Variants in UBE2Q2 observed in about 807,000 individuals in gnomAD.
UBE2Q2 encodes ubiquitin conjugating enzyme E2 Q2, also known as ubiquitin-conjugating enzyme E2 Q2.
UBE2Q2 carries 54 observed loss-of-function variants against 59.9 expected under a neutral mutation model. The observed-to-expected ratio is 0.90, with a 90% CI of 0.72 to 1.13. The LOEUF is 1.13. Ranked by LOEUF, UBE2Q2 falls within the 50% of genes most tolerant of loss-of-function variation. The pLI, the probability that UBE2Q2 is intolerant of heterozygous loss-of-function variation, is 0.00. For missense variants in UBE2Q2, 433 were observed against 441.9 expected (o/e 0.98, Z 0.18); for synonymous variants, 165 against 155.2 (o/e 1.06, Z -0.47).
chr15:75,893,406 T>G (rs1414758236), intron 11 of UBE2Q2, among the ~76,000 whole-genome samples: 1 of 152,220 alleles, frequency 6.6e-6, no homozygotes, highest in Non-Finnish European at 1.5e-5. Flanking sequence ...TAGCAATTTT[T>G]GTATTTTATG....
chr15:75,883,456 T>A, intron 9 of UBE2Q2, 32 bp downstream of exon 9: 2 of 1,587,776 alleles, frequency 1.3e-6, no homozygotes, highest in Non-Finnish European at 1.7e-6. Context: ...AAAAGAAATT[T>A]TTTTCAGTTA....
chr15:75,860,903 T>C (rs554344108), intron 3 of UBE2Q2, among the ~76,000 whole-genome samples: 2 of 152,326 alleles, frequency 1.3e-5, no homozygotes, highest in Admixed American at 6.5e-5. Context: ...GGTAAAACCC[T>C]AAGAAAGCAT....
chr15:75,882,099 AG>A (rs1240670730), intron 8 of UBE2Q2, among the ~76,000 whole-genome samples: 2 of 152,188 alleles, frequency 1.3e-5, no homozygotes, highest in Non-Finnish European at 2.9e-5. Context: ...GAAACTAGTA[AG>A]TCAAATTACA....
intron 3 of UBE2Q2, among the ~76,000 whole-genome samples, chr15:75,861,775 A>G (rs1897217891): frequency 6.6e-6 from 1 of 152,238 alleles, no homozygotes. Flanking sequence ...ATAAAACAAC[A>G]AATTTGCCTA....
chr15:75,871,319 G>A lies in UBE2Q2; in HGVS notation c.448-2109G>A, dbSNP rs1897776434. Among the ~76,000 whole-genome samples, 4 of 152,160 alleles carry A rather than the reference G, an allele frequency of 2.6e-5. No homozygotes were observed. In the South Asian group the frequency reaches 8.3e-4, roughly 32 times the overall value. On this transcript the variant is annotated intron_variant, in intron 4 of 12. Coordinates refer to ENST00000267938, the MANE Select transcript of UBE2Q2 (RefSeq NM_173469.4). ...GAGACATTCCATTGCCCAGGGACGG[G>A]CAGGAGGCAGATGCCTTCCTCTTGT...
At chr15:75,854,279 C>T (rs2141554350) in intron 1 of UBE2Q2, 107 bp from the exon 2 acceptor site, 3 of 737,896 alleles carry the variant, frequency 4.1e-6, no homozygotes, top group African/African-American at 1.8e-5. Context: ...TCCCCCCATA[C>T]ATTTTGTTTA....
At chr15:75,892,459 T>A (rs1044168690) in intron 11 of UBE2Q2, among the ~76,000 whole-genome samples, 2 of 151,942 alleles carry the variant, frequency 1.3e-5, no homozygotes, top group African/African-American at 4.8e-5. Context: ...ATGTGAAATC[T>A]AATATAAAGA....
At chr15:75,886,329 A>G (rs552570792) in intron 9 of UBE2Q2, among the ~76,000 whole-genome samples, 70 of 152,148 alleles carry the variant, frequency 4.6e-4, no homozygotes, top group Non-Finnish European at 8.5e-4. Flanking sequence ...CATGTTGGCC[A>G]GGCTGGTCTC....
intron 2 of UBE2Q2, among the ~76,000 whole-genome samples, chr15:75,856,267 G>GTGTA (rs1414423709): frequency 5.9e-5 from 6 of 102,414 alleles, no homozygotes; most frequent in South Asian, 2.6e-4. Flanking sequence ...GTGTGTGTGT[G>GTGTA]TGTATATATA....
chr15:75,867,690 G>C (rs1319791228), intron 3 of UBE2Q2, among the ~76,000 whole-genome samples: 1 of 152,130 alleles, frequency 6.6e-6, no homozygotes, highest in Non-Finnish European at 1.5e-5. Flanking sequence ...ATAGTAACTG[G>C]GCTGATGGTG....
intron 2 of UBE2Q2, among the ~76,000 whole-genome samples, chr15:75,856,929 A>G (rs1228508160): frequency 6.6e-6 from 1 of 151,616 alleles, no homozygotes; most frequent in East Asian, 1.9e-4. Context: ...CGACAGAGCA[A>G]GACTCTGTCT....
intron 6 of UBE2Q2, 26 bp downstream of exon 6, chr15:75,876,297 CT>C (rs759815590): frequency 8.3e-6 from 13 of 1,563,340 alleles, no homozygotes; most frequent in African/African-American, 1.4e-5. Context: ...TCCCTGCTCT[CT>C]TTATGATTCT....
chr15:75,896,403 G>A (rs1471699858), intron 11 of UBE2Q2, among the ~76,000 whole-genome samples: 2 of 152,134 alleles, frequency 1.3e-5, no homozygotes, highest in South Asian at 2.1e-4. Flanking sequence ...ATATTAATTC[G>A]AAGCGAAGAT....
At chr15:75,875,491 C>G (rs963513045) in intron 5 of UBE2Q2, among the ~76,000 whole-genome samples, 1 of 152,112 alleles carries the variant, frequency 6.6e-6, no homozygotes, top group Non-Finnish European at 1.5e-5. Flanking sequence ...CGAACTAGAC[C>G]ATCTGTGTAA....
chr15:75,893,709 CCATA>C lies in UBE2Q2; in HGVS notation c.1029+2701_1029+2704del, dbSNP rs1403842329. ...TCAGACGATTTAAAAACAGTTGGTA[CCATA>C]CATACCATATAATTTAAATATGAAG... On this transcript the variant is annotated intron_variant, in intron 11 of 12. Coordinates refer to ENST00000267938, the MANE Select transcript of UBE2Q2 (RefSeq NM_173469.4). 2.0e-5 allele frequency among the ~76,000 whole-genome samples: 3 copies of C among 151,960 alleles called. No individual in the cohort carries two copies. The East Asian group carries it at 5.8e-4, about 29-fold the overall frequency.
chr15:75,879,384 A>G (rs1374822932), intron 8 of UBE2Q2, among the ~76,000 whole-genome samples, 196 bp downstream of exon 8: 2 of 152,230 alleles, frequency 1.3e-5, no homozygotes, highest in Non-Finnish European at 2.9e-5. Flanking sequence ...AGCATCGTTT[A>G]TAATAGCACC....
At chr15:75,871,660 C>A (rs1392995658) in intron 4 of UBE2Q2, among the ~76,000 whole-genome samples, 1 of 152,230 alleles carries the variant, frequency 6.6e-6, no homozygotes, top group East Asian at 1.9e-4. Flanking sequence ...GAGTTTGACA[C>A]AGCACATGTT....
intron 9 of UBE2Q2, among the ~76,000 whole-genome samples, chr15:75,886,937 T>G (rs1199961361): frequency 6.6e-6 from 1 of 152,138 alleles, no homozygotes; most frequent in Non-Finnish European, 1.5e-5. Flanking sequence ...TTCAACATTT[T>G]ATTGTAAGAA....
At chr15:75,896,635 G>C (rs1052329424) in intron 11 of UBE2Q2, among the ~76,000 whole-genome samples, 1 of 152,136 alleles carries the variant, frequency 6.6e-6, no homozygotes, top group East Asian at 1.9e-4. Context: ...AATAGAAATT[G>C]TGTGAAGACA....
Sources: gnomAD v4.1 joint callset for allele counts (sites outside exome capture counted in the v4.1 genomes callset) on GRCh38, gnomAD v4.1.1 for gene constraint, MANE v1.5 for transcripts, NCBI Gene and HGNC (gene_info 2026-07-23, HGNC 2026-07-21) for gene names.